Variants in RRAGC observed in about 807,000 individuals in gnomAD.
RRAGC encodes the protein ras-related GTP-binding protein C.
Under a neutral mutation model 37.1 loss-of-function variants are expected in RRAGC, and 8 were observed. The observed-to-expected ratio is 0.22, with a 90% CI of 0.13 to 0.39. The LOEUF (loss-of-function observed/expected upper bound fraction) is 0.39. Among genes scored for constraint, RRAGC ranks in the 10% least tolerant of loss-of-function variants. RRAGC has a pLI of 1.00. For synonymous variants in RRAGC, 190 were observed against 181.1 expected, an observed-to-expected ratio of 1.05 and a Z score of -0.39; for missense variants, 342 against 497.6, an observed-to-expected ratio of 0.69 and a Z score of 2.98.
chr1:38,854,944 T>TA (rs1642149769), intron 3 of RRAGC, among the ~76,000 whole-genome samples: 1 of 152,234 alleles, frequency 6.6e-6, no homozygotes, highest in Non-Finnish European at 1.5e-5. Flanking sequence ...AATACTCATT[T>TA]CTACCTATAT....
intron 2 of RRAGC, 70 bp downstream of exon 2, chr1:38,856,809 A>C (rs1400803454): frequency 1.6e-5 from 24 of 1,457,350 alleles, no homozygotes; most frequent in Non-Finnish European, 2.2e-5. Context: ...GACAAAGAAG[A>C]TAAACAACTT....
intron 6 of RRAGC, among the ~76,000 whole-genome samples, chr1:38,841,738 A>T (rs1201639533): frequency 6.7e-6 from 1 of 149,304 alleles, no homozygotes; most frequent in Admixed American, 6.7e-5. Context: ...AATCCCAGCT[A>T]TGTGAGAGGC....
rs1363348553 is a variant in RRAGC, at chr1:38,859,738, A to G, written c.-92T>C. ...CCAGTCCGCCTCCGCCGCCGCCGCC[A>G]CCACCGCCACCGCCCCCGGCAGCCG... On this transcript the variant is annotated 5_prime_UTR_variant, in exon 1 of 7. Transcript: ENST00000373001. 1.6e-5 allele frequency: 17 copies of G among 1,084,000 alleles called. No individual in the cohort carries two copies. The highest frequency in any genetic ancestry group is 1.7e-5 in the Non-Finnish European group (15 of 858,670). The allele number at this position is 1,084,000 out of a possible 1,614,324, so 67.1% of individuals were successfully genotyped here.
intron 6 of RRAGC, among the ~76,000 whole-genome samples, chr1:38,843,080 G>T: frequency 6.6e-6 from 1 of 152,220 alleles, no homozygotes; most frequent in African/African-American, 2.4e-5. Context: ...CTATAATCCC[G>T]GCACTTTGGA....
chr1:38,852,289 T>C, intron 4 of RRAGC, 85 bp downstream of exon 4: 1 of 813,688 alleles, frequency 1.2e-6, no homozygotes, highest in Non-Finnish European at 2.1e-6. Flanking sequence ...AATTCAAGAC[T>C]TTTTTGGAAA....
chr1:38,852,474 CT>C lies in RRAGC; in HGVS notation c.655del (p.Ser219ValfsTer29). 1 of 1,566,580 alleles carries C rather than the reference CT, an allele frequency of 6.4e-7. No homozygotes were observed. The highest frequency in any genetic ancestry group is 8.8e-7 in the Non-Finnish European group (1 of 1,140,932). On this transcript the variant is annotated frameshift_variant, in exon 4 of 7. Coordinates refer to ENST00000373001, the MANE Select transcript of RRAGC (RefSeq NM_022157.4). LOFTEE classifies it high-confidence loss of function. ...TTCAAATATTGAATGGTCATAGATA[CT>C]AGTCAGATAAAAGCTGAAAAACACA... is the stretch of plus-strand genomic sequence containing the variant. Reference protein sequence around the residue: ...EKLHLSFYLTSIYDHSIFEAF... With the variant: ...EKLHLSFYLTXIYDHSIFEAF...
Position 38,859,685 on chromosome 1 carries a change from G to T in RRAGC, c.-39C>A, listed in dbSNP as rs1483249190. ...CCGCCGCCCGCGCCCTGACAGGCCA[G>T]GCCAGGCCGAGCCAGGCCGCCGCCT... On this transcript the variant is annotated 5_prime_UTR_variant, in exon 1 of 7. The change creates a new upstream start codon in the 5' untranslated region. Coordinates refer to ENST00000373001, the MANE Select transcript of RRAGC (RefSeq NM_022157.4). 1.4e-6 allele frequency: 2 copies of T among 1,446,284 alleles called. No homozygotes were observed. Among genetic ancestry groups the T allele is most frequent in the East Asian group, 3.0e-5 (1 of 33,798 alleles). The allele number at this position is 1,446,284 out of a possible 1,614,324, so 89.6% of individuals were successfully genotyped here.
At chr1:38,852,224 TATC>T (rs1278479716) in intron 4 of RRAGC, 147 bp downstream of exon 4, 10 of 617,236 alleles carry the variant, frequency 1.6e-5, no homozygotes, top group East Asian at 8.9e-5. Flanking sequence ...AATAATATGT[TATC>T]ATTTATTTTA....
intron 3 of RRAGC, among the ~76,000 whole-genome samples, chr1:38,853,645 G>A (rs1303774142): frequency 6.6e-6 from 1 of 152,012 alleles, no homozygotes; most frequent in Admixed American, 6.6e-5. Flanking sequence ...TACTTGGGAG[G>A]CTCAGGCAGG....
intron 3 of RRAGC, 135 bp downstream of exon 3, chr1:38,855,570 TCAA>T (rs1253048405): frequency 8.1e-6 from 6 of 739,842 alleles, no homozygotes; most frequent in South Asian, 3.6e-5. Flanking sequence ...AGCCTGGAAT[TCAA>T]CAACAAGATC....
chr1:38,859,723 T>TCCGCCG lies in RRAGC; in HGVS notation c.-83_-78dup, dbSNP rs915993418. On this transcript the variant is annotated 5_prime_UTR_variant, in exon 1 of 7. Coordinates refer to ENST00000373001, the MANE Select transcript of RRAGC (RefSeq NM_022157.4). ...CAGGCCGCCGCCTCCCCAGTCCGCC[T>TCCGCCG]CCGCCGCCGCCGCCACCACCGCCAC... 2.7e-5 allele frequency: 32 copies of TCCGCCG among 1,167,302 alleles called. No homozygotes were observed. Among genetic ancestry groups the TCCGCCG allele is most frequent in the Admixed American group, 8.8e-5 (2 of 22,722 alleles). The allele number at this position is 1,167,302 out of a possible 1,614,324, so 72.3% of individuals were successfully genotyped here.
chr1:38,849,612 C>T (rs11589443), intron 5 of RRAGC, among the ~76,000 whole-genome samples: 30,720 of 151,840 alleles, frequency 0.2, 3,522 homozygotes, highest in East Asian at 0.31. Flanking sequence ...TGCTTGAATC[C>T]GGGAGGCAGA....
intron 6 of RRAGC, among the ~76,000 whole-genome samples, chr1:38,844,447 G>A (rs12089667): frequency 0.013 from 1,837 of 140,940 alleles, 44 homozygotes; most frequent in African/African-American, 0.045. Flanking sequence ...ACAGGACTGA[G>A]GAAAAAAAAA....
chr1:38,839,426 A>G lies in RRAGC; in HGVS notation c.*127T>C. The G allele has an allele frequency of 1.1e-6, 1 of 928,590 alleles. No homozygotes were observed. The highest frequency in any genetic ancestry group is 2.6e-5 in the East Asian group (1 of 38,896). 57.5% of individuals were successfully genotyped at this position (928,590 alleles called of 1,614,324 possible). A position where few individuals can be genotyped will look rare whatever the true frequency, so the allele number is the denominator to read the frequency against. ...GGTTTTCATCCAAATGAGAAACTCT[A>G]CCCCTTGTCTCTAGTGGAACAGGCA... On this transcript the variant is annotated 3_prime_UTR_variant, in exon 7 of 7. Coordinates refer to ENST00000373001, the MANE Select transcript of RRAGC (RefSeq NM_022157.4).
intron 6 of RRAGC, among the ~76,000 whole-genome samples, chr1:38,841,059 C>A (rs1641957162): frequency 6.6e-6 from 1 of 152,140 alleles, no homozygotes; most frequent in African/African-American, 2.4e-5. Flanking sequence ...CATGTCAGGC[C>A]TTTGCTTCAA....
intron 6 of RRAGC, among the ~76,000 whole-genome samples, chr1:38,845,293 C>T (rs552692045): frequency 2.4e-4 from 36 of 152,198 alleles, no homozygotes; most frequent in African/African-American, 7.9e-4. Flanking sequence ...TATTATGCAG[C>T]CATAAAAAAG....
chr1:38,858,506 TG>T lies in RRAGC; in HGVS notation c.237+903del, dbSNP rs555923737. 2.9e-3 allele frequency among the ~76,000 whole-genome samples: 439 copies of T among 152,306 alleles called. 2 individuals are homozygous for T. The highest frequency in any genetic ancestry group is 0.01 in the African/African-American group (419 of 41,570). On this transcript the variant is annotated intron_variant, in intron 1 of 6. Coordinates refer to ENST00000373001, the MANE Select transcript of RRAGC (RefSeq NM_022157.4). ...TGAGGTCAGCAGTTCGAGATGACCC[TG>T]GCCAACATGGTGAAACCCCGTCTCT...
Position 38,859,680 on chromosome 1 carries a change from G to T in RRAGC, c.-34C>A, listed in dbSNP as rs1189669097. 6.9e-7 allele frequency: 1 copy of T among 1,446,654 alleles called. No homozygotes were observed. The highest frequency in any genetic ancestry group is 9.1e-7 in the Non-Finnish European group (1 of 1,098,278). 89.6% of individuals were successfully genotyped at this position (1,446,654 alleles called of 1,614,324 possible). A position where few individuals can be genotyped will look rare whatever the true frequency, so the allele number is the denominator to read the frequency against. On this transcript the variant is annotated 5_prime_UTR_variant, in exon 1 of 7. In the 5' UTR this introduces an upstream ATG that the reference lacks. Transcript: ENST00000373001. ...AGCCGCCGCCGCCCGCGCCCTGACA[G>T]GCCAGGCCAGGCCGAGCCAGGCCGC...
intron 2 of RRAGC, among the ~76,000 whole-genome samples, 166 bp from the exon 3 acceptor site, chr1:38,856,073 T>A (rs1642163779): frequency 6.6e-6 from 1 of 152,180 alleles, no homozygotes; most frequent in Non-Finnish European, 1.5e-5. Flanking sequence ...TCTTCAATTG[T>A]CTCAAGATAA....
Sources: allele counts gnomAD v4.1 joint callset (sites outside exome capture counted in the v4.1 genomes callset), GRCh38; gene constraint gnomAD v4.1.1; transcripts MANE v1.5; gene names NCBI Gene and HGNC (gene_info 2026-07-23, HGNC 2026-07-21).